GOLM2: variants seen among roughly 807,000 people sequenced by gnomAD.
GOLM2 encodes golgi membrane protein 2.
GOLM2 carries 26 observed loss-of-function variants against 55.9 expected under a neutral mutation model. The observed-to-expected ratio is 0.47, with a 90% CI of 0.34 to 0.65. The LOEUF is 0.65. Among genes scored for constraint, GOLM2 ranks in the 30% least tolerant of loss-of-function variants. GOLM2 has a pLI of 0.01. For missense variants in GOLM2, 486 were observed against 531.8 expected (o/e 0.91, Z 0.85); for synonymous variants, 165 against 194.6 (o/e 0.85, Z 1.27).
At position 44,342,359 on chromosome 15, in the gene GOLM2, G is replaced by GC. The variant is rs2079095788; in HGVS notation, c.802+4042_802+4043insC. On this transcript the variant is annotated intron_variant, in intron 6 of 9. Coordinates refer to ENST00000299957, the MANE Select transcript of GOLM2 (RefSeq NM_138423.4). The stretch of plus-strand genomic sequence containing the variant: ...GGCTCACTGCAGCCTTGACCTCCTG[G>GC]GCTCAAGTGGTACTCCCACATCGGC... 7.9e-5 allele frequency among the ~76,000 whole-genome samples: 12 copies of GC among 151,890 alleles called. No homozygotes were observed. The South Asian group carries it at 2.5e-3, about 32-fold the overall frequency.
At chr15:44,405,116 T>G (rs1019123908) in intron 9 of GOLM2, among the ~76,000 whole-genome samples, 1 of 152,196 alleles carries the variant, frequency 6.6e-6, no homozygotes, top group African/African-American at 2.4e-5. Flanking sequence ...CTCCCTTTCT[T>G]GTACTCTTCT....
At position 44,342,773 on chromosome 15, in the gene GOLM2, C is replaced by T. The variant is rs1215479132; in HGVS notation, c.802+4456C>T. Among the ~76,000 whole-genome samples, 3 of 152,252 alleles carry T rather than the reference C, an allele frequency of 2.0e-5. No homozygotes were observed. In the East Asian group the frequency reaches 5.8e-4, roughly 29 times the overall value. On this transcript the variant is annotated intron_variant, in intron 6 of 9. Transcript: ENST00000299957. ...TTTCATATCTTTGTATCTGGAGCTC[C>T]CTACATGCTGCCTTGCATATAGCAG...
intron 6 of GOLM2, among the ~76,000 whole-genome samples, chr15:44,364,264 C>T (rs1235151512): frequency 6.6e-6 from 1 of 152,144 alleles, no homozygotes; most frequent in Non-Finnish European, 1.5e-5. Flanking sequence ...TGGCTCACAT[C>T]TGTAATCTCA....
chr15:44,366,745 C>T (rs2079288527), intron 6 of GOLM2, among the ~76,000 whole-genome samples: 3 of 152,098 alleles, frequency 2.0e-5, no homozygotes, highest in Admixed American at 6.6e-5. Context: ...GCCTGTAATC[C>T]GAACAGTTTG....
chr15:44,353,186 A>T (rs182504818), intron 6 of GOLM2, among the ~76,000 whole-genome samples: 2 of 152,224 alleles, frequency 1.3e-5, no homozygotes, highest in African/African-American at 4.8e-5. Flanking sequence ...CTATAATGAG[A>T]TATGACTTTA....
intron 6 of GOLM2, among the ~76,000 whole-genome samples, chr15:44,377,661 A>G (rs1222408880): frequency 1.3e-5 from 2 of 152,174 alleles, no homozygotes; most frequent in African/African-American, 4.8e-5. Context: ...GGCGTGAGCC[A>G]CCTTTCCTGG....
intron 6 of GOLM2, among the ~76,000 whole-genome samples, chr15:44,369,988 A>G (rs945901918): frequency 6.6e-6 from 1 of 152,128 alleles, no homozygotes; most frequent in Non-Finnish European, 1.5e-5. Context: ...TCTCAAAACT[A>G]AAGAATTTGG....
At chr15:44,365,095 A>G (rs2079274903) in intron 6 of GOLM2, among the ~76,000 whole-genome samples, 1 of 152,220 alleles carries the variant, frequency 6.6e-6, no homozygotes, top group Admixed American at 6.5e-5. Flanking sequence ...ATAAATGTTT[A>G]TAGAAGCTTT....
At chr15:44,355,656 G>T in intron 6 of GOLM2, 2 of 225,066 alleles carry the variant, frequency 8.9e-6, no homozygotes, top group Non-Finnish European at 9.1e-6. Context: ...GCAACGGGGT[G>T]GTGGACCTCA....
intron 8 of GOLM2, among the ~76,000 whole-genome samples, chr15:44,398,583 C>A (rs570978482): frequency 6.6e-6 from 1 of 151,430 alleles, no homozygotes; most frequent in South Asian, 2.1e-4. Context: ...TAAACAGTGA[C>A]CACAAGTGAA....
At chr15:44,324,201 A>G (rs1318954093) in intron 2 of GOLM2, among the ~76,000 whole-genome samples, 1 of 152,256 alleles carries the variant, frequency 6.6e-6, no homozygotes, top group African/African-American at 2.4e-5. Flanking sequence ...CTTAATGCTT[A>G]TTAACTGTTT....
chr15:44,322,451 G>A (rs2078957292), intron 1 of GOLM2, among the ~76,000 whole-genome samples: 1 of 152,184 alleles, frequency 6.6e-6, no homozygotes, highest in Non-Finnish European at 1.5e-5. Context: ...CTTTGGGGTA[G>A]ACAAGAGATG....
At chr15:44,298,153 G>A (rs1246945135) in intron 1 of GOLM2, among the ~76,000 whole-genome samples, 1 of 151,796 alleles carries the variant, frequency 6.6e-6, no homozygotes, top group African/African-American at 2.4e-5. Flanking sequence ...ACAGGCATGA[G>A]CCACCACACC....
chr15:44,367,884 G>C (rs1290064631), intron 6 of GOLM2, among the ~76,000 whole-genome samples: 1 of 150,722 alleles, frequency 6.6e-6, no homozygotes, highest in Non-Finnish European at 1.5e-5. Flanking sequence ...TTTATTGTGT[G>C]TTTTTTCTCT....
At chr15:44,330,100 C>T (rs1172865080) in intron 3 of GOLM2, among the ~76,000 whole-genome samples, 2 of 148,412 alleles carry the variant, frequency 1.3e-5, no homozygotes, top group Admixed American at 6.8e-5. Flanking sequence ...TTAGTAGAGA[C>T]GGGCTTTCAC....
chr15:44,345,771 C>T (rs574731713), intron 6 of GOLM2: 1 of 152,090 alleles, frequency 6.6e-6, no homozygotes, highest in South Asian at 2.1e-4. Context: ...ATTTAAGTAC[C>T]TGAGCAATTG....
intron 1 of GOLM2, among the ~76,000 whole-genome samples, chr15:44,301,138 A>G (rs1442193413): frequency 6.6e-6 from 1 of 152,102 alleles, no homozygotes; most frequent in Non-Finnish European, 1.5e-5. Flanking sequence ...ATGATTAACA[A>G]AGGCCTCTCA....
At chr15:44,395,178 T>C (rs1388176738) in intron 8 of GOLM2, among the ~76,000 whole-genome samples, 1 of 127,790 alleles carries the variant, frequency 7.8e-6, no homozygotes, top group African/African-American at 3.0e-5. Flanking sequence ...GCCCGGCTAA[T>C]TTTTTTTTTT....
chr15:44,379,832 T>A, intron 7 of GOLM2, 44 bp downstream of exon 7: 1 of 1,110,190 alleles, frequency 9.0e-7, no homozygotes, highest in Non-Finnish European at 1.4e-6. Flanking sequence ...ACCAACTTAC[T>A]AGTCATGTAC....
Sources: gnomAD v4.1 joint callset for allele counts (sites outside exome capture counted in the v4.1 genomes callset) on GRCh38, gnomAD v4.1.1 for gene constraint, MANE v1.5 for transcripts, NCBI Gene and HGNC (gene_info 2026-07-23, HGNC 2026-07-21) for gene names.